Variants in ANO2 observed in about 807,000 individuals in gnomAD.
ANO2 encodes anoctamin-2.
Under a neutral mutation model 124.2 loss-of-function variants are expected in ANO2, and 101 were observed. The ratio of observed to expected loss-of-function variants is 0.81; its 90% CI spans 0.69 to 0.96. The LOEUF is 0.96. Ranked by LOEUF, ANO2 falls within the 40% of genes least tolerant of loss-of-function variation. ANO2 has a pLI of 0.00. For synonymous variants in ANO2, 486 were observed against 482.5 expected (o/e 1.01, Z -0.09); for missense variants, 1,293 against 1,274.5 (o/e 1.01, Z -0.22).
At chr12:5,622,261 T>C (rs535303357) in intron 16 of ANO2, among the ~76,000 whole-genome samples, 60 of 152,188 alleles carry the variant, frequency 3.9e-4, no homozygotes, top group Non-Finnish European at 8.5e-4. Flanking sequence ...GAGGATCTAG[T>C]CATTTCAGAG....
chr12:5,851,152 G>A (rs1174721647), intron 4 of ANO2, among the ~76,000 whole-genome samples: 4 of 152,074 alleles, frequency 2.6e-5, no homozygotes, highest in African/African-American at 7.2e-5. Flanking sequence ...TCTCACCCTC[G>A]CCAACTCATC....
chr12:5,804,930 T>C (rs1953145977), intron 9 of ANO2, among the ~76,000 whole-genome samples: 1 of 151,124 alleles, frequency 6.6e-6, no homozygotes. Context: ...GAAGGAAAAA[T>C]TAGAGAGTGG....
chr12:5,909,486 C>T (rs976200231), intron 3 of ANO2, among the ~76,000 whole-genome samples: 2 of 152,174 alleles, frequency 1.3e-5, no homozygotes, highest in African/African-American at 2.4e-5. Flanking sequence ...CACACCCAAC[C>T]TTCCCTTTTT....
chr12:5,688,191 G>T (rs557481739), intron 14 of ANO2, among the ~76,000 whole-genome samples: 2 of 152,298 alleles, frequency 1.3e-5, no homozygotes, highest in South Asian at 4.2e-4. Flanking sequence ...TCCAAATCGG[G>T]ACCTGAGCAG....
intron 4 of ANO2, among the ~76,000 whole-genome samples, chr12:5,842,347 C>T (rs191125085): frequency 3.0e-4 from 46 of 152,262 alleles, no homozygotes; most frequent in African/African-American, 1.0e-3. Context: ...GGATGGAAAA[C>T]GTAACTTTCC....
Position 5,941,588 on chromosome 12 carries a change from T to C in ANO2, c.22+3608A>G, listed in dbSNP as rs146636435. 3.6e-4 allele frequency among the ~76,000 whole-genome samples: 55 copies of C among 151,722 alleles called. 1 individual carries two copies. The highest frequency in any genetic ancestry group is 8.9e-4 in the African/African-American group (37 of 41,388). On this transcript the variant is annotated intron_variant, in intron 1 of 24. Transcript: ENST00000682330. ...AATAAAATAAAAATAGTTGAATAAA[T>C]AGTGGCTGAAATTGTCTCAAAATTT...
chr12:5,650,028 C>G (rs942852562), intron 14 of ANO2, among the ~76,000 whole-genome samples: 5 of 152,108 alleles, frequency 3.3e-5, no homozygotes, highest in African/African-American at 1.2e-4. Flanking sequence ...TGATAACACT[C>G]AATAGGGATT....
At chr12:5,673,998 C>T (rs1352802990) in intron 14 of ANO2, among the ~76,000 whole-genome samples, 6 of 152,148 alleles carry the variant, frequency 3.9e-5, no homozygotes, top group Admixed American at 2.0e-4. Context: ...TTCTCTGAGA[C>T]CACCCTCCTC....
In ANO2 at chr12:5,914,067, T is replaced by A. The variant is rs140894952; in HGVS notation, c.534+6973A>T. On this transcript the variant is annotated intron_variant, in intron 3 of 24. Transcript: ENST00000682330. ...ATACAAAAATTAGCTGGGCATGGTG[T>A]TGTGCACCTGTAATCCCAGCTACTC... 9.1e-3 allele frequency among the ~76,000 whole-genome samples: 1,380 copies of A among 151,986 alleles called. 12 individuals are homozygous for A. The highest frequency in any genetic ancestry group is 0.027 in the Middle Eastern group (8 of 294).
chr12:5,939,097 G>C (rs569168602), intron 1 of ANO2, among the ~76,000 whole-genome samples: 32 of 143,166 alleles, frequency 2.2e-4, no homozygotes, highest in Non-Finnish European at 3.8e-4. Flanking sequence ...CGCGCCTGTA[G>C]TCCCAGCTAC....
At chr12:5,854,174 A>G (rs1415219621) in intron 3 of ANO2, 33 bp from the exon 4 acceptor site, 2 of 1,579,594 alleles carry the variant, frequency 1.3e-6, no homozygotes, top group Non-Finnish European at 1.7e-6. Context: ...AAATGGAAAC[A>G]CTTGTAAGGA....
At chr12:5,718,596 C>A (rs950118302) in intron 14 of ANO2, among the ~76,000 whole-genome samples, 1 of 152,204 alleles carries the variant, frequency 6.6e-6, no homozygotes, top group Non-Finnish European at 1.5e-5. Context: ...TAGTGCCAAT[C>A]ATTTTCCTGT....
chr12:5,770,229 C>T (rs1952034581), intron 10 of ANO2, among the ~76,000 whole-genome samples: 1 of 150,568 alleles, frequency 6.6e-6, no homozygotes, highest in South Asian at 2.1e-4. Context: ...CCCCATTTGC[C>T]AGTTATATGA....
chr12:5,646,506 T>C (rs1946643892), intron 15 of ANO2, among the ~76,000 whole-genome samples: 1 of 152,218 alleles, frequency 6.6e-6, no homozygotes, highest in Non-Finnish European at 1.5e-5. Context: ...TTTGTTTTGT[T>C]TTCTGCTGTA....
At chr12:5,851,942 T>C in intron 4 of ANO2, 1 of 742,266 alleles carries the variant, frequency 1.3e-6, no homozygotes. Flanking sequence ...ACATGGGCAT[T>C]AGAGTTTTGC....
chr12:5,781,392 C>A (rs558499686), intron 10 of ANO2, among the ~76,000 whole-genome samples: 3 of 152,212 alleles, frequency 2.0e-5, no homozygotes, highest in African/African-American at 7.2e-5. Flanking sequence ...GGCTAAGCCA[C>A]TAAATGGCCC....
At chr12:5,911,845 G>T (rs1941069203) in intron 3 of ANO2, among the ~76,000 whole-genome samples, 1 of 152,216 alleles carries the variant, frequency 6.6e-6, no homozygotes, top group African/African-American at 2.4e-5. Context: ...GAAATTGAAA[G>T]AAATTATCCA....
At chr12:5,902,621 G>GTTCTAGCTCAAACCA (rs1940304024) in intron 3 of ANO2, among the ~76,000 whole-genome samples, 1 of 4,468 alleles carries the variant, frequency 2.2e-4, no homozygotes, top group Non-Finnish European at 5.2e-4. Context: ...TGGGAGGGGA[G>GTTCTAGCTCAAACCA]GGGAGGGGAG....
At chr12:5,683,561 G>A (rs1170902417) in intron 14 of ANO2, among the ~76,000 whole-genome samples, 1 of 152,120 alleles carries the variant, frequency 6.6e-6, no homozygotes, top group Non-Finnish European at 1.5e-5. Flanking sequence ...GTATTTTTCT[G>A]AACAGCATCA....
Sources: gnomAD v4.1 joint callset for allele counts (sites outside exome capture counted in the v4.1 genomes callset) on GRCh38, gnomAD v4.1.1 for gene constraint, MANE v1.5 for transcripts, NCBI Gene and HGNC (gene_info 2026-07-23, HGNC 2026-07-21) for gene names.